The following UBE2QL1 variants were observed in gnomAD, a reference collection of about 807,000 sequenced individuals.
The protein encoded by UBE2QL1 is ubiquitin-conjugating enzyme E2Q-like protein 1.
In UBE2QL1, 5 loss-of-function variants were observed where a neutral mutation model predicts 12.6. That is an observed-to-expected ratio of 0.40 (90% CI 0.21 to 0.83). The LOEUF (loss-of-function observed/expected upper bound fraction) is 0.83. Ranked by LOEUF, UBE2QL1 falls within the 40% of genes least tolerant of loss-of-function variation. UBE2QL1 has a pLI of 0.37. For missense variants in UBE2QL1, 99 were observed against 222.6 expected, an observed-to-expected ratio of 0.44 and a Z score of 3.53; for synonymous variants, 96 against 94.5, an observed-to-expected ratio of 1.02 and a Z score of -0.10.
At chr5:6,453,228 G>A (rs1304184201) in intron 1 of UBE2QL1, among the ~76,000 whole-genome samples, 2 of 152,204 alleles carry the variant, frequency 1.3e-5, no homozygotes, top group Admixed American at 6.5e-5. Context: ...CACAGAGTCA[G>A]GTGGAGTTTA....
chr5:6,459,647 AAAAT>A (rs1254960036), intron 1 of UBE2QL1, among the ~76,000 whole-genome samples: 4 of 152,258 alleles, frequency 2.6e-5, no homozygotes, highest in Non-Finnish European at 2.9e-5. Context: ...ATGATGAACT[AAAAT>A]AAATTAAAAA....
intron 1 of UBE2QL1, among the ~76,000 whole-genome samples, chr5:6,480,874 G>A (rs369510449): frequency 8.5e-5 from 13 of 152,152 alleles, no homozygotes; most frequent in South Asian, 4.2e-4. Context: ...TCTGAGTGCC[G>A]GCATTTCCTA....
chr5:6,449,868 A>ACCC lies in UBE2QL1; in HGVS notation c.354+627_354+629dup, dbSNP rs5865654. Among the ~76,000 whole-genome samples the ACCC allele has an allele frequency of 8.4e-3, 982 of 117,062 alleles. 41 individuals are homozygous for ACCC. Among genetic ancestry groups the ACCC allele is most frequent in the African/African-American group, 0.011 (325 of 29,154 alleles). The allele number at this position is 117,062 out of a possible 152,430, so 76.8% of individuals were successfully genotyped here. ...ACCTAGCTGATCTCCCACCTCCCCA[A>ACCC]CCCCCCCCACACACACACACACAAG... On this transcript the variant is annotated intron_variant, in intron 1 of 1. Transcript: ENST00000399816.
chr5:6,490,487 G>A (rs1374854726), intron 1 of UBE2QL1, among the ~76,000 whole-genome samples: 1 of 152,194 alleles, frequency 6.6e-6, no homozygotes, highest in Non-Finnish European at 1.5e-5. Flanking sequence ...CTGTGAGGGA[G>A]CGTGGCCCTC....
At chr5:6,460,040 C>A (rs1415940207) in intron 1 of UBE2QL1, among the ~76,000 whole-genome samples, 3 of 152,140 alleles carry the variant, frequency 2.0e-5, no homozygotes, top group Non-Finnish European at 2.9e-5. Context: ...AGGGCCAGAG[C>A]AACTGGGATC....
At chr5:6,454,195 A>G (rs1281855479) in intron 1 of UBE2QL1, among the ~76,000 whole-genome samples, 1 of 152,034 alleles carries the variant, frequency 6.6e-6, no homozygotes, top group Non-Finnish European at 1.5e-5. Flanking sequence ...CAACACACAA[A>G]ATGTTTAAAG....
chr5:6,457,675 A>G (rs1482496017), intron 1 of UBE2QL1, among the ~76,000 whole-genome samples: 1 of 152,226 alleles, frequency 6.6e-6, no homozygotes, highest in African/African-American at 2.4e-5. Flanking sequence ...CCCATTTTAC[A>G]GAGGAAGAAA....
At chr5:6,461,536 A>ACCCCCCCCCCCCCC (rs1489545549) in intron 1 of UBE2QL1, among the ~76,000 whole-genome samples, 5 of 36,224 alleles carry the variant, frequency 1.4e-4, no homozygotes, top group Non-Finnish European at 1.7e-4. Flanking sequence ...GTTTTTCAGC[A>ACCCCCCCCCCCCCC]CCCACCACCC....
At position 6,479,271 on chromosome 5, in the gene UBE2QL1, G is replaced by C. The variant is rs923410134; in HGVS notation, c.355-11947G>C. Among the ~76,000 whole-genome samples the C allele has an allele frequency of 2.0e-5, 3 of 152,068 alleles. No homozygotes were observed. Among genetic ancestry groups the C allele is most frequent in the African/African-American group, 7.2e-5 (3 of 41,408 alleles). ...TCTTCCTGTTCAGTATGTGTTCCAAGAAGAAGGAAAAACATGGAACGCTGA... is the reference window on the plus strand; with the variant it reads ...TCTTCCTGTTCAGTATGTGTTCCAACAAGAAGGAAAAACATGGAACGCTGA... On this transcript the variant is annotated intron_variant, in intron 1 of 1. Coordinates refer to ENST00000399816, the MANE Select transcript of UBE2QL1 (RefSeq NM_001145161.3). This position sits in a 1 kb window ranked among gnomAD's most constrained non-coding sequence, Gnocchi z 4.2.
rs918975505 is a variant in UBE2QL1 at position 6,495,160 on chromosome 5, G to A, written c.*3811G>A. 5.9e-5 allele frequency among the ~76,000 whole-genome samples: 9 copies of A among 152,130 alleles called. No individual in the cohort carries two copies. Among genetic ancestry groups the A allele is most frequent in the South Asian group, 2.1e-4 (1 of 4,832 alleles). ...GACTCTGTCCTCACTGGCCCTGAAC[G>A]GGAGAACTGGAGTCCCCTTGCCACC... On this transcript the variant is annotated 3_prime_UTR_variant, in exon 2 of 2. Transcript: ENST00000399816.
rs145695900 is a variant in UBE2QL1, at chr5:6,464,394, C to T, written c.354+15147C>T. 2.3e-3 allele frequency among the ~76,000 whole-genome samples: 350 copies of T among 152,318 alleles called. 2 individuals carry two copies. Among genetic ancestry groups the T allele is most frequent in the South Asian group, 0.019 (91 of 4,830 alleles). ...AGATGTCTCACAAGTCGAAAAGGAA[C>T]GGGAAATAGCTCCCAGTGCATTCCC... On this transcript the variant is annotated intron_variant, in intron 1 of 1. Transcript: ENST00000399816.
intron 1 of UBE2QL1, among the ~76,000 whole-genome samples, chr5:6,455,688 G>A (rs932682300): frequency 2.6e-5 from 4 of 152,080 alleles, no homozygotes; most frequent in African/African-American, 7.2e-5. Flanking sequence ...TGGGCAGCCC[G>A]GGTTGGAAAA....
In UBE2QL1 at chr5:6,449,081, C is replaced by T; in HGVS notation, c.188C>T (p.Pro63Leu). Residue 63 changes from proline to leucine, a missense_variant, in exon 1 of 2, where the codon CCC becomes CTC. By Grantham distance (98) the Pro-to-Leu change is moderately conservative. Transcript: ENST00000399816. ...AACCTCACCTTCCCCGACAACTTCC[C>T]CTTCTCGCCGCCCTTCATGCGGGTG... The part of the protein sequence containing the change: ...LLNLTFPDNF[P>L]FSPPFMRVLS... The T allele has an allele frequency of 6.5e-7, 1 of 1,548,316 alleles. No homozygotes were observed. The highest frequency in any genetic ancestry group is 8.7e-7 in the Non-Finnish European group (1 of 1,145,518).
chr5:6,453,612 TG>T (rs2126321002), intron 1 of UBE2QL1, among the ~76,000 whole-genome samples: 1 of 152,316 alleles, frequency 6.6e-6, no homozygotes, highest in East Asian at 1.9e-4. Context: ...AGCTCAGCTT[TG>T]TGAAATGATA....
intron 1 of UBE2QL1, among the ~76,000 whole-genome samples, chr5:6,477,979 A>T (rs1428719200): frequency 5.9e-5 from 9 of 152,166 alleles, no homozygotes; most frequent in Non-Finnish European, 5.9e-5. Flanking sequence ...GGTATTGGGG[A>T]TCTCTAGGGG....
At chr5:6,491,070 G>A in intron 1 of UBE2QL1, 148 bp from the exon 2 acceptor site, 2 of 880,200 alleles carry the variant, frequency 2.3e-6, no homozygotes, top group South Asian at 1.9e-5. Flanking sequence ...TCTGGGCAGT[G>A]AGGCTGCCCC....
chr5:6,471,208 C>T (rs1254029431), intron 1 of UBE2QL1, among the ~76,000 whole-genome samples: 2 of 152,156 alleles, frequency 1.3e-5, no homozygotes, highest in African/African-American at 2.4e-5. Context: ...AGTGGATTCC[C>T]AGCCCTCAGC....
intron 1 of UBE2QL1, among the ~76,000 whole-genome samples, chr5:6,475,698 G>T (rs1734214338): frequency 6.6e-6 from 1 of 151,808 alleles, no homozygotes; most frequent in African/African-American, 2.4e-5. Context: ...GTGTGAGCAT[G>T]GGGGGTGGGG....
chr5:6,468,237 G>A (rs529515329), intron 1 of UBE2QL1, among the ~76,000 whole-genome samples: 1 of 152,176 alleles, frequency 6.6e-6, no homozygotes, highest in East Asian at 1.9e-4. Flanking sequence ...CTGGTTGAGC[G>A]AGCCCCCTGC....
Sources: gnomAD v4.1 joint callset for allele counts (sites outside exome capture counted in the v4.1 genomes callset) on GRCh38, gnomAD v4.1.1 for gene constraint, Gnocchi (gnomAD v3.1) non-coding constraint, MANE v1.5 for transcripts, NCBI Gene and HGNC (gene_info 2026-07-23, HGNC 2026-07-21) for gene names.